CDC14B: variants seen among roughly 807,000 people sequenced by gnomAD.
The protein encoded by CDC14B is dual specificity protein phosphatase CDC14B.
A neutral mutation model predicts 64.2 loss-of-function variants in CDC14B; 22 were observed. That is an observed-to-expected ratio of 0.34 (90% CI 0.24 to 0.49). CDC14B has a LOEUF of 0.49. Ranked by LOEUF, CDC14B falls within the 20% of genes least tolerant of loss-of-function variation. CDC14B has a pLI of 0.99. For synonymous variants in CDC14B, 191 were observed against 215.8 expected, an observed-to-expected ratio of 0.89 and a Z score of 1.01; for missense variants, 498 against 629.9, an observed-to-expected ratio of 0.79 and a Z score of 2.24.
chr9:96,616,514 A>C (rs1292326106), intron 1 of CDC14B, among the ~76,000 whole-genome samples: 2 of 152,158 alleles, frequency 1.3e-5, no homozygotes, highest in Non-Finnish European at 2.9e-5. Flanking sequence ...TCACAAGGTC[A>C]GGAGTTTGAG....
At chr9:96,546,211 C>T (rs1305789305) in intron 5 of CDC14B, among the ~76,000 whole-genome samples, 4 of 152,088 alleles carry the variant, frequency 2.6e-5, no homozygotes, top group African/African-American at 9.7e-5. Context: ...GACTGGAATG[C>T]TACAAAAGGA....
intron 9 of CDC14B, among the ~76,000 whole-genome samples, chr9:96,527,255 C>T (rs1049877265): frequency 2.6e-5 from 4 of 152,068 alleles, no homozygotes; most frequent in Non-Finnish European, 4.4e-5. Flanking sequence ...AAAAATTAGC[C>T]GGGCGCGGTG....
At chr9:96,509,588 T>C (rs771698304) in intron 13 of CDC14B, 85 bp downstream of exon 13, 20 of 802,414 alleles carry the variant, frequency 2.5e-5, no homozygotes, top group Non-Finnish European at 4.4e-5. Flanking sequence ...CCTAATTTCA[T>C]GTCAGTCTCC....
chr9:96,508,311 C>T (rs1188246008), intron 13 of CDC14B, among the ~76,000 whole-genome samples: 3 of 152,202 alleles, frequency 2.0e-5, no homozygotes, highest in Admixed American at 1.3e-4. Context: ...CCACCGCACC[C>T]GGCCCATACT....
At chr9:96,575,665 C>A (rs775672334) in intron 1 of CDC14B, among the ~76,000 whole-genome samples, 1 of 152,070 alleles carries the variant, frequency 6.6e-6, no homozygotes, top group Admixed American at 6.6e-5. Flanking sequence ...CAAAAAAAAT[C>A]ACCTGTTAAA....
chr9:96,551,403 T>C lies in CDC14B; in HGVS notation c.497+393A>G, dbSNP rs909441392. Among the ~76,000 whole-genome samples, 11 of 152,136 alleles carry C rather than the reference T, an allele frequency of 7.2e-5. No individual in the cohort carries two copies. The South Asian group carries it at 2.3e-3, about 32-fold the overall frequency. On this transcript the variant is annotated intron_variant, in intron 5 of 13. Coordinates refer to ENST00000375241, the MANE Select transcript of CDC14B (RefSeq NM_033331.4). ...TTCCAATATGCTGGGATTACAGGCATGAGCCACTGTGCCCAGCCAAAGCTT... is the reference window on the plus strand; with the variant it reads ...TTCCAATATGCTGGGATTACAGGCACGAGCCACTGTGCCCAGCCAAAGCTT...
chr9:96,599,329 C>T (rs1230280964), intron 1 of CDC14B, among the ~76,000 whole-genome samples: 2 of 151,478 alleles, frequency 1.3e-5, no homozygotes, highest in African/African-American at 4.9e-5. Context: ...TGCAGTGAGC[C>T]GAGATCTCGC....
chr9:96,540,375 G>A (rs1333939804), intron 6 of CDC14B, among the ~76,000 whole-genome samples: 2 of 152,120 alleles, frequency 1.3e-5, no homozygotes, highest in Non-Finnish European at 2.9e-5. Context: ...GTGCACGCCT[G>A]TAATCCCAGC....
intron 1 of CDC14B, among the ~76,000 whole-genome samples, chr9:96,570,361 C>T (rs1844397640): frequency 3.9e-5 from 6 of 152,148 alleles, no homozygotes; most frequent in Admixed American, 3.9e-4. Context: ...CCTATTTGGA[C>T]CTAGAGACAC....
intron 12 of CDC14B, chr9:96,514,559 T>A (rs1835353244): frequency 1.0e-6 from 1 of 985,336 alleles, no homozygotes; most frequent in Non-Finnish European, 1.2e-6. Context: ...TTCTCAGCTA[T>A]GTGAAAATAC....
chr9:96,589,822 G>A (rs59260292), intron 1 of CDC14B, among the ~76,000 whole-genome samples: 4,446 of 151,946 alleles, frequency 0.029, 199 homozygotes, highest in African/African-American at 0.1. Context: ...TTAGGCAGGC[G>A]TGGTGGCGGG....
chr9:96,512,010 T>G (rs1310725188), intron 12 of CDC14B, among the ~76,000 whole-genome samples: 1 of 151,972 alleles, frequency 6.6e-6, no homozygotes, highest in African/African-American at 2.4e-5. Context: ...CAAGACACCA[T>G]TAAGAAGCCC....
At chr9:96,506,262 T>G (rs1317496018) in intron 13 of CDC14B, among the ~76,000 whole-genome samples, 7 of 152,302 alleles carry the variant, frequency 4.6e-5, no homozygotes, top group Middle Eastern at 3.4e-3. Flanking sequence ...CTCATACTAT[T>G]TTGTCCAGAA....
At chr9:96,491,212 T>C (rs1193676073) in exon 14 of CDC14B, 3 of 152,314 alleles carry the variant, frequency 2.0e-5, no homozygotes, top group African/African-American at 7.2e-5. Context: ...ACAGTTCATA[T>C]GCTCGCTTGA....
chr9:96,515,711 C>T lies in CDC14B; in HGVS notation c.1344-5922G>A, dbSNP rs1457994108. 2.5e-6 allele frequency: 4 copies of T among 1,605,164 alleles called. No individual in the cohort carries two copies. On this transcript the variant is annotated intron_variant, in intron 12 of 13. Coordinates refer to ENST00000375241, the MANE Select transcript of CDC14B (RefSeq NM_033331.4). This position sits in a 1 kb window ranked among gnomAD's most constrained non-coding sequence, Gnocchi z 4.3. ...TTCTGAAACCATCGAGACAGAATAG[C>T]AGGATGGGAAGAATGTAGTCACAAA...
intron 1 of CDC14B, among the ~76,000 whole-genome samples, chr9:96,570,641 G>T (rs925335822): frequency 6.6e-6 from 1 of 152,182 alleles, no homozygotes; most frequent in African/African-American, 2.4e-5. Flanking sequence ...GGGGAGCAGA[G>T]GAAGAACTGT....
At chr9:96,508,385 C>A (rs2131311288) in intron 13 of CDC14B, among the ~76,000 whole-genome samples, 1 of 152,198 alleles carries the variant, frequency 6.6e-6, no homozygotes, top group South Asian at 2.1e-4. Context: ...ATGTATGACT[C>A]CCAATTCATT....
chr9:96,542,698 A>T (rs1840237686), intron 5 of CDC14B, among the ~76,000 whole-genome samples: 1 of 151,052 alleles, frequency 6.6e-6, no homozygotes, highest in African/African-American at 2.4e-5. Flanking sequence ...TCTCATTATG[A>T]TACCAAGGCT....
chr9:96,585,880 T>C (rs566615994), intron 1 of CDC14B, among the ~76,000 whole-genome samples: 1 of 152,300 alleles, frequency 6.6e-6, no homozygotes, highest in Admixed American at 6.5e-5. Flanking sequence ...AGACAATGGA[T>C]AGACCGCATA....
Sources: allele counts gnomAD v4.1 joint callset (sites outside exome capture counted in the v4.1 genomes callset), GRCh38; gene constraint gnomAD v4.1.1; non-coding constraint Gnocchi (gnomAD v3.1); transcripts MANE v1.5; gene names NCBI Gene and HGNC (gene_info 2026-07-23, HGNC 2026-07-21).